Variants in XPO1 observed in about 807,000 individuals in gnomAD.
XPO1 encodes exportin-1.
In XPO1, 5 loss-of-function variants were observed where a neutral mutation model predicts 133.3. The ratio of observed to expected loss-of-function variants is 0.04; its 90% CI spans 0.02 to 0.08. XPO1 has a LOEUF of 0.08. XPO1 is among the 10% of genes least tolerant of loss of function. XPO1 has a pLI of 1.00. For synonymous variants in XPO1, 419 were observed against 408.2 expected (o/e 1.03, Z -0.32); for missense variants, 506 against 1,267.5 (o/e 0.40, Z 9.12).
intron 11 of XPO1, chr2:61,494,300 T>C (rs987675521): frequency 4.2e-6 from 2 of 476,698 alleles, no homozygotes; most frequent in African/African-American, 2.0e-5. Flanking sequence ...TCTCACATAG[T>C]AGTTGATCAA....
rs778114171 is a variant in XPO1, at chr2:61,481,191, T to C, written c.3063A>G (p.Gln1021=). 1.9e-6 allele frequency: 3 copies of C among 1,603,720 alleles called. No individual in the cohort carries two copies. The highest frequency in any genetic ancestry group is 2.6e-6 in the Non-Finnish European group (3 of 1,174,352). Reference sequence around the variant, plus strand: ...AGAGCAAATAAATACATACCTTTATTTGAACTAGGAAATCTCTTAAATGTT... The same window carrying C: ...AGAGCAAATAAATACATACCTTTATCTGAACTAGGAAATCTCTTAAATGTT... ...FKEHLRDFLV[Q]IKEFAGEDTS... The change falls in exon 24 of 25, where the codon CAA becomes CAG. Residue 1021 remains glutamine (Q), a synonymous_variant. Coordinates refer to ENST00000401558, the MANE Select transcript of XPO1 (RefSeq NM_003400.4).
intron 3 of XPO1, among the ~76,000 whole-genome samples, chr2:61,523,230 T>C (rs1462529208): frequency 6.6e-6 from 1 of 152,246 alleles, no homozygotes; most frequent in Non-Finnish European, 1.5e-5. Flanking sequence ...GTTTATTTTA[T>C]ATTTTAACCC....
At chr2:61,482,033 C>CTTTTTTGTTTTTTTTTTTTTTT in intron 23 of XPO1, among the ~76,000 whole-genome samples, 1 of 86,836 alleles carries the variant, frequency 1.2e-5, no homozygotes, top group Middle Eastern at 8.3e-3. Flanking sequence ...CCGTGCGTGG[C>CTTTTTTGTTTTTTTTTTTTTTT]CTTTTTTTTT....
rs1699258223 is a variant in XPO1, at chr2:61,533,789, G to A, written c.109C>T (p.His37Tyr). 1 of 1,594,192 alleles carries A rather than the reference G, an allele frequency of 6.3e-7. No homozygotes were observed. The highest frequency in any genetic ancestry group is 1.2e-5 in the South Asian group (1 of 86,792). ...TACTTTACCTGGGCTCCTTCTCCAT[G>A]GTATAAGCAATTCACCACATTATCT... is the stretch of plus-strand genomic sequence containing the variant. The part of the protein sequence containing the change: ...LLDNVVNCLY[H>Y]GEGAQQRMAQ... Residue 37 changes from histidine to tyrosine, a missense_variant, in exon 2 of 25, where the codon CAT becomes TAT. Around this residue, in one of 6 missense-constraint regions of XPO1, gnomAD observed 68 missense variants for 210.5 expected, o/e 0.32. Coordinates refer to ENST00000401558, the MANE Select transcript of XPO1 (RefSeq NM_003400.4).
chr2:61,497,435 T>C (rs1697294755), intron 9 of XPO1, among the ~76,000 whole-genome samples: 1 of 152,098 alleles, frequency 6.6e-6, no homozygotes, highest in Non-Finnish European at 1.5e-5. Flanking sequence ...CTGGTCTCGA[T>C]CTCCTGACCT....
At chr2:61,519,289 T>A (rs1161418967) in intron 4 of XPO1, among the ~76,000 whole-genome samples, 1 of 152,160 alleles carries the variant, frequency 6.6e-6, no homozygotes, top group East Asian at 1.9e-4. Flanking sequence ...TGTGACCCAC[T>A]GGTACAGGAT....
In XPO1 at chr2:61,497,025, G is replaced by C; in HGVS notation, c.760-18C>G. 6.3e-7 allele frequency: 1 copy of C among 1,593,126 alleles called. No individual in the cohort carries two copies. Among genetic ancestry groups the C allele is most frequent in the South Asian group, 1.2e-5 (1 of 86,734 alleles). On this transcript the variant is annotated intron_variant, in intron 9 of 24. Coordinates refer to ENST00000401558, the MANE Select transcript of XPO1 (RefSeq NM_003400.4). ...TTCAGGAACTATTTAAAAGGGGGGA[G>C]GGAACCATAAAATTAATTGGCCTGA...
intron 9 of XPO1, among the ~76,000 whole-genome samples, chr2:61,497,503 G>A (rs761186972): frequency 1.9e-4 from 29 of 152,148 alleles, no homozygotes; most frequent in African/African-American, 6.3e-4. Context: ...GAGCCACAGC[G>A]CCCGGCCTAA....
In XPO1 at chr2:61,483,413, T is replaced by C. The variant is rs1377545745; in HGVS notation, c.2678-322A>G. ...GATAAGACTACACATAAGGTGGAGT[T>C]CATACACATGAGGGATAAGACTACA... On this transcript the variant is annotated intron_variant, in intron 21 of 24. Coordinates refer to ENST00000401558, the MANE Select transcript of XPO1 (RefSeq NM_003400.4). 2.5e-5 allele frequency: 6 copies of C among 242,604 alleles called. No homozygotes were observed. In the East Asian group the frequency reaches 6.2e-4, roughly 25 times the overall value. 15.0% of individuals were successfully genotyped at this position (242,604 alleles called of 1,614,324 possible).
chr2:61,492,534 A>G lies in XPO1; in HGVS notation c.1566+33T>C. On this transcript the variant is annotated intron_variant, in intron 14 of 24. Transcript: ENST00000401558. The surrounding 1 kb of genome is among the most constrained non-coding windows in gnomAD (Gnocchi z 5.6). ...TATTGTAACAACATAATACTTATTT[A>G]GCAATTCTAATTCATACCTATCCCT... The G allele has an allele frequency of 6.3e-7, 1 of 1,595,606 alleles. No individual in the cohort carries two copies. Among genetic ancestry groups the G allele is most frequent in the Non-Finnish European group, 8.5e-7 (1 of 1,173,566 alleles).
At chr2:61,481,054 A>G (rs1696324701) in intron 24 of XPO1, 131 bp downstream of exon 24, 1 of 522,682 alleles carries the variant, frequency 1.9e-6, no homozygotes, top group South Asian at 3.3e-5. Context: ...GATTACAGAG[A>G]TTGTGTAAAC....
intron 4 of XPO1, among the ~76,000 whole-genome samples, chr2:61,514,000 T>A (rs1419941646): frequency 2.0e-5 from 3 of 151,808 alleles, no homozygotes; most frequent in African/African-American, 7.3e-5. Flanking sequence ...GTGGCTAACA[T>A]GGTGAAACCC....
intron 7 of XPO1, 40 bp from the exon 8 acceptor site, chr2:61,498,953 C>T (rs2104495836): frequency 3.3e-6 from 5 of 1,533,738 alleles, no homozygotes; most frequent in Non-Finnish European, 4.4e-6. Flanking sequence ...ATTTAGAAGA[C>T]ACAGAAATAA....
intron 2 of XPO1, among the ~76,000 whole-genome samples, chr2:61,527,867 T>C (rs1382487853): frequency 6.6e-6 from 1 of 152,096 alleles, no homozygotes; most frequent in African/African-American, 2.4e-5. Flanking sequence ...ATAACTAAAG[T>C]TTATGGAAGT....
intron 1 of XPO1, chr2:61,534,292 AG>A (rs1699274272): frequency 6.5e-6 from 1 of 154,506 alleles, no homozygotes; most frequent in Non-Finnish European, 1.4e-5. Context: ...ATTAAGTTCA[AG>A]TGAATGTGAT....
intron 24 of XPO1, 146 bp downstream of exon 24, chr2:61,481,036 GGTT>G (rs1696323819): frequency 2.1e-6 from 1 of 474,630 alleles, no homozygotes; most frequent in African/African-American, 2.0e-5. Flanking sequence ...ACCAGTCTCA[GGTT>G]TTTTGATTAC....
At chr2:61,523,191 T>G (rs2104756739) in intron 3 of XPO1, among the ~76,000 whole-genome samples, 1 of 152,360 alleles carries the variant, frequency 6.6e-6, no homozygotes, top group South Asian at 2.1e-4. Context: ...ACTGGTGTGT[T>G]ACTTAAGGAG....
At chr2:61,508,077 G>C (rs1248616064) in intron 4 of XPO1, among the ~76,000 whole-genome samples, 1 of 151,708 alleles carries the variant, frequency 6.6e-6, no homozygotes, top group African/African-American at 2.4e-5. Context: ...AAAGTTGGTA[G>C]GTCAGGTTGG....
chr2:61,536,894 G>C (rs1414074907), intron 1 of XPO1: 1 of 152,648 alleles, frequency 6.6e-6, no homozygotes, highest in Non-Finnish European at 1.5e-5. Context: ...AGGAGAATCA[G>C]GGCATCCTCC....
Sources: gnomAD v4.1 joint callset for allele counts (sites outside exome capture counted in the v4.1 genomes callset) on GRCh38, gnomAD v4.1.1 for gene constraint, gnomAD v4.1.1 regional missense constraint, Gnocchi (gnomAD v3.1) non-coding constraint, MANE v1.5 for transcripts, NCBI Gene and HGNC (gene_info 2026-07-23, HGNC 2026-07-21) for gene names.